Variants in GRM5 observed in about 807,000 individuals in gnomAD.
GRM5 encodes glutamate metabotropic receptor 5.
In GRM5, 19 loss-of-function variants were observed where a neutral mutation model predicts 83.1. That is an observed-to-expected ratio of 0.23 (90% CI 0.16 to 0.34). The LOEUF (loss-of-function observed/expected upper bound fraction) is 0.34, where lower values mean the gene tolerates loss of function less well. GRM5 is among the 10% of genes least tolerant of loss of function. The pLI is 1.00. For synonymous variants in GRM5, 675 were observed against 633.6 expected (o/e 1.07, Z -0.98); for missense variants, 1,160 against 1,588.3 (o/e 0.73, Z 4.58).
chr11:88,682,928 G>A lies in GRM5; in HGVS notation c.912-29525C>T, dbSNP rs184117871. Among the ~76,000 whole-genome samples the A allele has an allele frequency of 1.1e-3, 165 of 151,026 alleles. 1 individual carries two copies. Among genetic ancestry groups the A allele is most frequent in the Non-Finnish European group, 2.0e-3 (136 of 67,830 alleles). ...CTCAATAGCTTACTGGTGTTTAAAC[G>A]GAATAGTTTTTTTTTTTTTAAGTAA... On this transcript the variant is annotated intron_variant, in intron 3 of 9. Transcript: ENST00000305447.
At chr11:88,599,841 G>A (rs867386982) in intron 5 of GRM5, among the ~76,000 whole-genome samples, 90 of 152,052 alleles carry the variant, frequency 5.9e-4, no homozygotes, top group Admixed American at 1.8e-3. Context: ...GTGAAACCCC[G>A]TCTCTACTAA....
chr11:89,060,635 T>C (rs375278136), intron 1 of GRM5, among the ~76,000 whole-genome samples: 18 of 152,270 alleles, frequency 1.2e-4, no homozygotes, highest in Middle Eastern at 3.4e-3. Flanking sequence ...TTTTGCCTGA[T>C]GGCCCTTCTG....
Position 88,845,423 on chromosome 11 carries a change from C to CTTTTTTTTTTTTTTTTTT in GRM5, c.911+4465_911+4482dup, listed in dbSNP as rs71046265. 5.4e-5 allele frequency among the ~76,000 whole-genome samples: 5 copies of CTTTTTTTTTTTTTTTTTT among 92,442 alleles called. 1 individual carries two copies. The highest frequency in any genetic ancestry group is 1.8e-4 in the African/African-American group (4 of 22,228). 60.6% of individuals were successfully genotyped at this position (92,442 alleles called of 152,430 possible). ...AGGCTACAGTACAGTATAAACATAA[C>CTTTTTTTTTTTTTTTTTT]TTTTTTTTTTTTTTTTTTTTTTTTT... is the stretch of plus-strand genomic sequence containing the variant. On this transcript the variant is annotated intron_variant, in intron 3 of 9. Transcript: ENST00000305447.
At chr11:88,608,340 G>A (rs1938215998) in intron 4 of GRM5, among the ~76,000 whole-genome samples, 2 of 151,698 alleles carry the variant, frequency 1.3e-5, no homozygotes, top group Non-Finnish European at 2.9e-5. Context: ...ACCTTCTCTG[G>A]ATATCCTGTC....
chr11:88,770,101 T>A (rs907906230), intron 3 of GRM5, among the ~76,000 whole-genome samples: 5 of 152,068 alleles, frequency 3.3e-5, no homozygotes, highest in Non-Finnish European at 4.4e-5. Flanking sequence ...AATTTACCCA[T>A]GAGACAAATC....
At chr11:88,888,518 T>C (rs1444956788) in intron 2 of GRM5, among the ~76,000 whole-genome samples, 1 of 152,308 alleles carries the variant, frequency 6.6e-6, no homozygotes, top group Admixed American at 6.5e-5. Flanking sequence ...ATGATGTTCA[T>C]TCAACCTGGG....
intron 3 of GRM5, among the ~76,000 whole-genome samples, chr11:88,683,960 T>C (rs1480277501): frequency 6.6e-6 from 1 of 152,064 alleles, no homozygotes; most frequent in Non-Finnish European, 1.5e-5. Context: ...CTGGAGGGGA[T>C]TGTGGCACTG....
At chr11:89,053,661 A>G (rs1056637982) in intron 1 of GRM5, among the ~76,000 whole-genome samples, 9 of 134,564 alleles carry the variant, frequency 6.7e-5, no homozygotes, top group African/African-American at 2.5e-4. Flanking sequence ...TGTGTGCTAC[A>G]TGGTGCTGAG....
intron 3 of GRM5, among the ~76,000 whole-genome samples, chr11:88,703,008 T>C (rs1394170994): frequency 1.3e-5 from 2 of 152,120 alleles, no homozygotes; most frequent in African/African-American, 4.8e-5. Flanking sequence ...CCTAGCAAAC[T>C]AATACCTAAG....
At chr11:89,045,674 C>G (rs1351831844) in intron 2 of GRM5, among the ~76,000 whole-genome samples, 2 of 152,102 alleles carry the variant, frequency 1.3e-5, no homozygotes, top group East Asian at 3.9e-4. Context: ...CTAAGAGTTT[C>G]ACTTGGGGCA....
intron 2 of GRM5, among the ~76,000 whole-genome samples, chr11:88,928,031 G>C (rs1000035774): frequency 4.6e-5 from 7 of 152,022 alleles, no homozygotes; most frequent in African/African-American, 1.7e-4. Context: ...GCTTCGGCAG[G>C]TGTTATTACC....
chr11:89,007,642 G>C (rs1940568765), intron 2 of GRM5, among the ~76,000 whole-genome samples: 1 of 152,152 alleles, frequency 6.6e-6, no homozygotes, highest in Non-Finnish European at 1.5e-5. Context: ...TTTTATCCAA[G>C]TGTATAAGAG....
At chr11:88,804,723 AC>A (rs1943468900) in intron 3 of GRM5, among the ~76,000 whole-genome samples, 1 of 152,098 alleles carries the variant, frequency 6.6e-6, no homozygotes, top group Non-Finnish European at 1.5e-5. Context: ...AAACAAACAA[AC>A]AAAACAAATA....
chr11:89,022,040 A>G lies in GRM5; in HGVS notation c.661+25172T>C, dbSNP rs1940997814. 2.6e-5 allele frequency among the ~76,000 whole-genome samples: 4 copies of G among 152,286 alleles called. No individual in the cohort carries two copies. In the South Asian group the frequency reaches 8.3e-4, roughly 32 times the overall value. On this transcript the variant is annotated intron_variant, in intron 2 of 9. Coordinates refer to ENST00000305447, the MANE Select transcript of GRM5 (RefSeq NM_001143831.3). Reference sequence around the variant, plus strand: ...ACAAAACAGAGTTTTGTGATAGATCATATCCTGGGAGGGGCTGGTGAAATA... The same window carrying G: ...ACAAAACAGAGTTTTGTGATAGATCGTATCCTGGGAGGGGCTGGTGAAATA...
At chr11:88,820,801 T>C (rs1486103978) in intron 3 of GRM5, among the ~76,000 whole-genome samples, 1 of 152,240 alleles carries the variant, frequency 6.6e-6, no homozygotes, top group Non-Finnish European at 1.5e-5. Flanking sequence ...GTGTGTCCTT[T>C]GGAGGCATGG....
chr11:88,703,708 C>T (rs989363876), intron 3 of GRM5, among the ~76,000 whole-genome samples: 1 of 152,044 alleles, frequency 6.6e-6, no homozygotes, highest in African/African-American at 2.4e-5. Flanking sequence ...TTCTCACATC[C>T]TGGCTTTTTG....
At chr11:88,568,958 A>G (rs1036563587) in intron 7 of GRM5, among the ~76,000 whole-genome samples, 6 of 152,328 alleles carry the variant, frequency 3.9e-5, no homozygotes, top group Middle Eastern at 6.8e-3. Context: ...GGAGTTTTTA[A>G]ATTATTCCTT....
chr11:88,862,295 G>C (rs934699928), intron 2 of GRM5, among the ~76,000 whole-genome samples: 2 of 152,158 alleles, frequency 1.3e-5, no homozygotes, highest in African/African-American at 2.4e-5. Context: ...AGAAACCTTA[G>C]AGAGTGGATT....
chr11:88,604,617 G>A, intron 5 of GRM5, 101 bp downstream of exon 5: 1 of 969,336 alleles, frequency 1.0e-6, no homozygotes, highest in Non-Finnish European at 1.6e-6. Flanking sequence ...ACATTACCAG[G>A]AAACCTAGAT....
Sources: gnomAD v4.1 joint callset for allele counts (sites outside exome capture counted in the v4.1 genomes callset) on GRCh38, gnomAD v4.1.1 for gene constraint, MANE v1.5 for transcripts, NCBI Gene and HGNC (gene_info 2026-07-23, HGNC 2026-07-21) for gene names.